The following DISP3 variants were observed in gnomAD, a reference collection of about 807,000 sequenced individuals.
DISP3 encodes the protein protein dispatched homolog 3.
In DISP3, 101 loss-of-function variants were observed where a neutral mutation model predicts 135.3. The observed-to-expected ratio is 0.75, with a 90% CI of 0.64 to 0.88. The LOEUF is 0.88. Ranked by LOEUF, DISP3 falls within the 40% of genes least tolerant of loss-of-function variation. The pLI is 0.00. For synonymous variants in DISP3, 856 were observed against 817.0 expected (o/e 1.05, Z -0.81); for missense variants, 1,713 against 1,878.6 (o/e 0.91, Z 1.63).
chr1:11,535,164 G>A (rs1422104104), intron 19 of DISP3, 40 bp downstream of exon 19: 2 of 1,533,112 alleles, frequency 1.3e-6, no homozygotes, highest in Non-Finnish European at 8.8e-7. Flanking sequence ...TGCTGGTAGG[G>A]ACGGGAACAG....
At position 11,501,358 on chromosome 1, in the gene DISP3, C is replaced by G. The variant is rs1254143938; in HGVS notation, c.366C>G (p.Leu122=). The G allele has an allele frequency of 6.2e-7, 1 of 1,612,336 alleles. No individual in the cohort carries two copies. Among genetic ancestry groups the G allele is most frequent in the Non-Finnish European group, 8.5e-7 (1 of 1,179,260 alleles). The change falls in exon 2 of 21, where the codon CTC becomes CTG. Residue 122 remains leucine (L), a synonymous_variant. Transcript: ENST00000294484. This position sits in a 1 kb window ranked among gnomAD's most constrained non-coding sequence, Gnocchi z 4.9. ...AGGCCTCACAGCGTTTCGACGCTCT[C>G]ACTCTGGCGCTTAAGTCCCAGTTTG... ...NHEASQRFDA[L]TLALKSQFGS... is the part of the protein sequence containing the mutation.
chr1:11,534,525 T>C lies in DISP3; in HGVS notation c.3520T>C (p.Phe1174Leu). 1 of 1,608,720 alleles carries C rather than the reference T, an allele frequency of 6.2e-7. No individual in the cohort carries two copies. The highest frequency in any genetic ancestry group is 8.5e-7 in the Non-Finnish European group (1 of 1,176,268). ...GACCTGCGAGCACTGGAAGCAGATATTCATGGAAATCGTAGGCAAGCGGCA... is the reference window on the plus strand; with the variant it reads ...GACCTGCGAGCACTGGAAGCAGATACTCATGGAAATCGTAGGCAAGCGGCA... Reference protein sequence around the residue: ...FQTCEHWKQIFMEIVGVQSAL... With the variant: ...FQTCEHWKQILMEIVGVQSAL... Residue 1174 changes from phenylalanine to leucine, a missense_variant, in exon 18 of 21, where the codon TTC (phenylalanine) becomes CTC (leucine). Transcript: ENST00000294484.
In DISP3 at chr1:11,536,808, G is replaced by T; in HGVS notation, c.*122G>T. 1 of 1,291,654 alleles carries T rather than the reference G, an allele frequency of 7.7e-7. No homozygotes were observed. Among genetic ancestry groups the T allele is most frequent in the Non-Finnish European group, 1.0e-6 (1 of 971,430 alleles). The allele number at this position is 1,291,654 out of a possible 1,614,324, so 80.0% of individuals were successfully genotyped here. A position where few individuals can be genotyped will look rare whatever the true frequency, so the allele number is the denominator to read the frequency against. On this transcript the variant is annotated 3_prime_UTR_variant, in exon 21 of 21. Coordinates refer to ENST00000294484, the MANE Select transcript of DISP3 (RefSeq NM_020780.2). This position sits in a 1 kb window ranked among gnomAD's most constrained non-coding sequence, Gnocchi z 4.3. ...TGGGCCCAGGGCGCCCTGCGGGCCA[G>T]CGTGGAGGCTGACACCCACACAGAT...
chr1:11,525,048 A>G (rs1642372551), intron 11 of DISP3, 128 bp from the exon 12 acceptor site: 2 of 1,157,824 alleles, frequency 1.7e-6, no homozygotes, highest in Non-Finnish European at 2.5e-6. Context: ...CACAGCCAGC[A>G]TTTTGAGATG....
chr1:11,522,582 A>AGGGCCCAGCC (rs1642235303), intron 10 of DISP3, among the ~76,000 whole-genome samples: 2 of 140,048 alleles, frequency 1.4e-5, no homozygotes, highest in Non-Finnish European at 1.6e-5. Flanking sequence ...GGACCCAGCC[A>AGGGCCCAGCC]AGACCCAGCC....
rs1281865074 is a variant in DISP3 at position 11,529,040 on chromosome 1, C to CT, written c.2799-515dup. ...GTGGGCCAGGGGTCAGGCAGGCTGC[C>CT]TGGATGAGCTGGAAACATTCTAGAA... is the stretch of plus-strand genomic sequence containing the variant. On this transcript the variant is annotated intron_variant, in intron 13 of 20. Transcript: ENST00000294484. The surrounding 1 kb of genome is among the most constrained non-coding windows in gnomAD (Gnocchi z 4.7). Among the ~76,000 whole-genome samples, 1 of 152,172 alleles carries CT rather than the reference C, an allele frequency of 6.6e-6. No homozygotes were observed. The highest frequency in any genetic ancestry group is 2.4e-5 in the African/African-American group (1 of 41,446).
Position 11,519,923 on chromosome 1 carries a change from C to T in DISP3, c.2200+43C>T, listed in dbSNP as rs1320672603. On this transcript the variant is annotated intron_variant, in intron 9 of 20. Transcript: ENST00000294484. This position sits in a 1 kb window ranked among gnomAD's most constrained non-coding sequence, Gnocchi z 4.3. ...CCCTGCCCCCTGTCTCACAGCTCCACCCCCAAAACACACAGGAACTGGGAG... is the reference window on the plus strand; with the variant it reads ...CCCTGCCCCCTGTCTCACAGCTCCATCCCCAAAACACACAGGAACTGGGAG... The T allele has an allele frequency of 4.5e-6, 7 of 1,560,200 alleles. No individual in the cohort carries two copies. Among genetic ancestry groups the T allele is most frequent in the Non-Finnish European group, 6.1e-6 (7 of 1,150,386 alleles).
At chr1:11,532,823 C>T (rs760413637) in intron 17 of DISP3, among the ~76,000 whole-genome samples, 3 of 151,962 alleles carry the variant, frequency 2.0e-5, no homozygotes, top group South Asian at 2.1e-4. Context: ...TCAGCCTCCC[C>T]AGTAGCTGGG....
chr1:11,502,176 A>G, intron 2 of DISP3, 88 bp downstream of exon 2: 1 of 1,473,886 alleles, frequency 6.8e-7, no homozygotes, highest in South Asian at 1.4e-5. Flanking sequence ...GCCCAGGCCC[A>G]GGCCCAGGCC....
rs959750613 is a variant in DISP3 at position 11,520,584 on chromosome 1, G to A, written c.2201-103G>A. The A allele has an allele frequency of 4.4e-6, 6 of 1,356,702 alleles. No homozygotes were observed. Among genetic ancestry groups the A allele is most frequent in the Non-Finnish European group, 6.1e-6 (6 of 989,574 alleles). The allele number at this position is 1,356,702 out of a possible 1,614,324, so 84.0% of individuals were successfully genotyped here. On this transcript the variant is annotated intron_variant, in intron 9 of 20. Transcript: ENST00000294484. This position sits in a 1 kb window ranked among gnomAD's most constrained non-coding sequence, Gnocchi z 4.8. ...CTTCCCCCGCACCCTTAGGACACCC[G>A]CCCCCCAACAACCAGAGCAGTTGTC...
Position 11,536,507 on chromosome 1 carries a change from C to CT in DISP3, c.4001dup (p.Thr1335AspfsTer49). 1 of 1,613,492 alleles carries CT rather than the reference C, an allele frequency of 6.2e-7. No homozygotes were observed. ...CACGGGCGTGTCCATCCTCTACACGCTGACCGTCAGCACCGCCCTGCTGGG... is the reference window on the plus strand; with the variant it reads ...CACGGGCGTGTCCATCCTCTACACGCTTGACCGTCAGCACCGCCCTGCTGGG... On this transcript the variant is annotated frameshift_variant, in exon 21 of 21. Coordinates refer to ENST00000294484, the MANE Select transcript of DISP3 (RefSeq NM_020780.2). LOFTEE classifies it high-confidence loss of function. This position sits in a 1 kb window ranked among gnomAD's most constrained non-coding sequence, Gnocchi z 4.3.
chr1:11,531,128 A>G lies in DISP3; in HGVS notation c.3229+95A>G. 1 of 1,550,866 alleles carries G rather than the reference A, an allele frequency of 6.4e-7. No homozygotes were observed. Among genetic ancestry groups the G allele is most frequent in the Non-Finnish European group, 8.7e-7 (1 of 1,146,864 alleles). Reference sequence around the variant, plus strand: ...GTCCAAGGTAGACAGCCCGAAGGACAGTGTCTGGCATGTGGGGGTCTTTTG... The same window carrying G: ...GTCCAAGGTAGACAGCCCGAAGGACGGTGTCTGGCATGTGGGGGTCTTTTG... On this transcript the variant is annotated intron_variant, in intron 16 of 20. Coordinates refer to ENST00000294484, the MANE Select transcript of DISP3 (RefSeq NM_020780.2). The surrounding 1 kb of genome is among the most constrained non-coding windows in gnomAD (Gnocchi z 5.2).
chr1:11,536,250 T>C lies in DISP3; in HGVS notation c.3817-74T>C. On this transcript the variant is annotated intron_variant, in intron 20 of 20. Transcript: ENST00000294484. The surrounding 1 kb of genome is among the most constrained non-coding windows in gnomAD (Gnocchi z 4.3). The stretch of plus-strand genomic sequence containing the variant: ...GCAGGAACCTGGCGTGGGGTGGGGG[T>C]GCGTGATTCCCCAGGTGCTGGCCAG... The C allele has an allele frequency of 1.3e-6, 2 of 1,518,790 alleles. No individual in the cohort carries two copies. Among genetic ancestry groups the C allele is most frequent in the Non-Finnish European group, 1.8e-6 (2 of 1,139,628 alleles). The allele number at this position is 1,518,790 out of a possible 1,614,324, so 94.1% of individuals were successfully genotyped here.
intron 3 of DISP3, among the ~76,000 whole-genome samples, chr1:11,506,194 C>T (rs1488228218): frequency 6.6e-6 from 1 of 152,126 alleles, no homozygotes; most frequent in Non-Finnish European, 1.5e-5. Context: ...TTTGTTTTCA[C>T]CAGTCTTACT....
intron 4 of DISP3, 104 bp downstream of exon 4, chr1:11,514,630 G>C (rs144843628): frequency 6.4e-6 from 9 of 1,398,086 alleles, no homozygotes; most frequent in Non-Finnish European, 8.9e-6. Flanking sequence ...AGCCCAGCAT[G>C]TCAGAGCTGG....
At chr1:11,489,136 C>T (rs1206007325) in intron 1 of DISP3, among the ~76,000 whole-genome samples, 4 of 152,214 alleles carry the variant, frequency 2.6e-5, no homozygotes, top group Admixed American at 2.6e-4. Context: ...AAGAGATTTG[C>T]CCTAAGGTTC....
At chr1:11,533,211 T>C (rs1642617250) in intron 17 of DISP3, among the ~76,000 whole-genome samples, 4 of 151,360 alleles carry the variant, frequency 2.6e-5, no homozygotes, top group African/African-American at 7.3e-5. Flanking sequence ...GGGGGCCTCA[T>C]GTGAATGGAA....
intron 2 of DISP3, 126 bp downstream of exon 2, chr1:11,502,214 A>G: frequency 7.2e-7 from 1 of 1,385,404 alleles, no homozygotes; most frequent in Middle Eastern, 2.6e-4. Flanking sequence ...AGTCCTGGGC[A>G]TGGCCGGAGG....
rs752260159 is a variant in DISP3, at chr1:11,536,730, G to A, written c.*44G>A. The A allele has an allele frequency of 1.4e-6, 2 of 1,475,470 alleles. No homozygotes were observed. The highest frequency in any genetic ancestry group is 2.0e-4 in the Middle Eastern group (1 of 4,906). 91.4% of individuals were successfully genotyped at this position (1,475,470 alleles called of 1,614,324 possible). A position where few individuals can be genotyped will look rare whatever the true frequency, so the allele number is the denominator to read the frequency against. Reference sequence around the variant, plus strand: ...CACTTGCACCTTTGGTCCCATGGGTGGGGGACAGGAGCTGCTTCCCAGCTC... The same window carrying A: ...CACTTGCACCTTTGGTCCCATGGGTAGGGGACAGGAGCTGCTTCCCAGCTC... On this transcript the variant is annotated 3_prime_UTR_variant, in exon 21 of 21. Transcript: ENST00000294484. This position sits in a 1 kb window ranked among gnomAD's most constrained non-coding sequence, Gnocchi z 4.3.
Sources: allele counts gnomAD v4.1 joint callset (sites outside exome capture counted in the v4.1 genomes callset), GRCh38; gene constraint gnomAD v4.1.1; non-coding constraint Gnocchi (gnomAD v3.1); transcripts MANE v1.5; gene names NCBI Gene and HGNC (gene_info 2026-07-23, HGNC 2026-07-21).